Variants in STX11 observed in about 807,000 individuals in gnomAD.
STX11 encodes syntaxin-11.
A neutral mutation model predicts 19.9 loss-of-function variants in STX11; 21 were observed. The observed-to-expected ratio is 1.06, with a 90% CI of 0.75 to 1.52. The LOEUF (loss-of-function observed/expected upper bound fraction) is 1.52. Among genes scored for constraint, STX11 ranks in the 40% most tolerant of loss-of-function variants. The probability of loss-of-function intolerance (pLI) is 0.00; values close to 1 mark genes in which losing one functional copy is unlikely to be tolerated. For missense variants in STX11, 438 were observed against 405.9 expected, an observed-to-expected ratio of 1.08 and a Z score of -0.68; for synonymous variants, 193 against 174.4, an observed-to-expected ratio of 1.11 and a Z score of -0.84.
rs1802151860 is a variant in STX11, at chr6:144,189,197, A to G, written c.*1706A>G. The stretch of plus-strand genomic sequence containing the variant: ...GCCACCATGCCCGGCTAATTTTTGT[A>G]TTTTCTGTAGAGACAGGGTTTGCCA... On this transcript the variant is annotated 3_prime_UTR_variant, in exon 2 of 2. Coordinates refer to ENST00000367568, the MANE Select transcript of STX11 (RefSeq NM_003764.4). Among the ~76,000 whole-genome samples, 2 of 151,674 alleles carry G rather than the reference A, an allele frequency of 1.3e-5. No individual in the cohort carries two copies. Among genetic ancestry groups the G allele is most frequent in the Non-Finnish European group, 2.9e-5 (2 of 67,938 alleles).
Position 144,165,319 on chromosome 6 carries a change from G to A in STX11, c.-6+14616G>A, listed in dbSNP as rs556916288. ...AAAAATACAAAATTAGCGGGGCGTG[G>A]TGGTGCATGTCTGTAATCCCAGCTA... is the stretch of plus-strand genomic sequence containing the variant. On this transcript the variant is annotated intron_variant, in intron 1 of 1. Coordinates refer to ENST00000367568, the MANE Select transcript of STX11 (RefSeq NM_003764.4). This position sits in a 1 kb window ranked among gnomAD's most constrained non-coding sequence, Gnocchi z 5.8. Among the ~76,000 whole-genome samples, 1 of 152,208 alleles carries A rather than the reference G, an allele frequency of 6.6e-6. No individual in the cohort carries two copies. Among genetic ancestry groups the A allele is most frequent in the South Asian group, 2.1e-4 (1 of 4,816 alleles).
chr6:144,173,764 G>T (rs1801704831), intron 1 of STX11, among the ~76,000 whole-genome samples: 1 of 152,186 alleles, frequency 6.6e-6, no homozygotes, highest in Non-Finnish European at 1.5e-5. Flanking sequence ...CTTTTCCCCT[G>T]ACTGCTCTCG....
At position 144,188,264 on chromosome 6, in the gene STX11, A is replaced by G. The variant is rs1055555533; in HGVS notation, c.*773A>G. The G allele has an allele frequency of 4.3e-6, 1 of 232,526 alleles. No homozygotes were observed. The highest frequency in any genetic ancestry group is 9.2e-6 in the Non-Finnish European group (1 of 108,828). The allele number at this position is 232,526 out of a possible 1,614,324, so 14.4% of individuals were successfully genotyped here. On this transcript the variant is annotated 3_prime_UTR_variant, in exon 2 of 2. Coordinates refer to ENST00000367568, the MANE Select transcript of STX11 (RefSeq NM_003764.4). ...TATTTTTACTTGATTACATATGCAC[A>G]TGTATGTAAATGTAAAATACTAATA...
the STX11 span, among the ~76,000 whole-genome samples, chr6:144,140,262 A>T: frequency 0.013 from 705 of 54,580 alleles, 10 homozygotes; most frequent in African/African-American, 0.058. Context: ...ATATTTATTT[A>T]TTTATTTTTT....
At chr6:144,150,844 C>A in intron 1 of STX11, 141 bp downstream of exon 1, 1 of 585,452 alleles carries the variant, frequency 1.7e-6, no homozygotes, top group Non-Finnish European at 2.2e-6. Flanking sequence ...GATTTTGGAT[C>A]TGGCGCAGGT....
the STX11 span, among the ~76,000 whole-genome samples, chr6:144,144,251 A>G: frequency 7.8e-4 from 119 of 152,350 alleles, no homozygotes; most frequent in East Asian, 3.9e-4. Flanking sequence ...AGCTTTAACT[A>G]GTTTTGTAAG....
intron 1 of STX11, among the ~76,000 whole-genome samples, chr6:144,163,574 C>A (rs6911429): frequency 5.9e-5 from 9 of 151,976 alleles, no homozygotes; most frequent in South Asian, 2.1e-4. Context: ...GCTTCCTGGG[C>A]TCAAGTGATT....
chr6:144,141,661 T>C, the STX11 span, among the ~76,000 whole-genome samples: 1 of 148,126 alleles, frequency 6.8e-6, no homozygotes, highest in Non-Finnish European at 1.5e-5. Context: ...GTTTTGTTGT[T>C]GTTGTTGTTG....
Position 144,165,176 on chromosome 6 carries a change from C to T in STX11, c.-6+14473C>T, listed in dbSNP as rs1451781755. ...CACTTTGAAGAAAAATTTTCTTGGCCGGGCGCGGTGGCTCACGCCTGTAAT... is the reference window on the plus strand; with the variant it reads ...CACTTTGAAGAAAAATTTTCTTGGCTGGGCGCGGTGGCTCACGCCTGTAAT... On this transcript the variant is annotated intron_variant, in intron 1 of 1. Coordinates refer to ENST00000367568, the MANE Select transcript of STX11 (RefSeq NM_003764.4). This position sits in a 1 kb window ranked among gnomAD's most constrained non-coding sequence, Gnocchi z 5.8. 2.6e-5 allele frequency among the ~76,000 whole-genome samples: 4 copies of T among 151,866 alleles called. No individual in the cohort carries two copies. The highest frequency in any genetic ancestry group is 4.4e-5 in the Non-Finnish European group (3 of 67,974).
rs571942053 is a variant in STX11 at position 144,173,023 on chromosome 6, G to A, written c.-5-13600G>A. Among the ~76,000 whole-genome samples, 11 of 152,304 alleles carry A rather than the reference G, an allele frequency of 7.2e-5. No homozygotes were observed. The East Asian group carries it at 1.9e-3, about 27-fold the overall frequency. ...GATTAGGACCCAGCTCTGCTTTTCA[G>A]AAGTGGTTTCTTGGTTTATATTCCT... On this transcript the variant is annotated intron_variant, in intron 1 of 1. Transcript: ENST00000367568.
rs1801526285 is a variant in STX11 at position 144,167,942 on chromosome 6, T to G, written c.-6+17239T>G. Among the ~76,000 whole-genome samples, 3 of 152,198 alleles carry G rather than the reference T, an allele frequency of 2.0e-5. No homozygotes were observed. The highest frequency in any genetic ancestry group is 2.0e-4 in the Admixed American group (3 of 15,282). ...CACTACAGTCATGTTCTTAGACTTA[T>G]TCACACATAAGTACTTATGGTAAAA... On this transcript the variant is annotated intron_variant, in intron 1 of 1. Coordinates refer to ENST00000367568, the MANE Select transcript of STX11 (RefSeq NM_003764.4). The surrounding 1 kb of genome is among the most constrained non-coding windows in gnomAD (Gnocchi z 5.0).
rs114390003 is a variant in STX11 at position 144,161,168 on chromosome 6, A to G, written c.-6+10465A>G. Among the ~76,000 whole-genome samples the G allele has an allele frequency of 7.8e-3, 1,191 of 152,334 alleles. 12 individuals carry two copies. Among genetic ancestry groups the G allele is most frequent in the African/African-American group, 0.027 (1,107 of 41,572 alleles). ...AATGAGCTCCATTTATTATATTTTC[A>G]TGAAGAATTTGAATTTTTAAATAAG... On this transcript the variant is annotated intron_variant, in intron 1 of 1. Transcript: ENST00000367568.
rs1227823224 is a variant in STX11 at position 144,152,152 on chromosome 6, G to A, written c.-6+1449G>A. On this transcript the variant is annotated intron_variant, in intron 1 of 1. Coordinates refer to ENST00000367568, the MANE Select transcript of STX11 (RefSeq NM_003764.4). This position sits in a 1 kb window ranked among gnomAD's most constrained non-coding sequence, Gnocchi z 4.9. ...TATGCTGGGTCCCAGTGTATTTAAA[G>A]AGTAGACTCAGCAGATTATCACCCC... Among the ~76,000 whole-genome samples the A allele has an allele frequency of 6.6e-6, 1 of 152,182 alleles. No individual in the cohort carries two copies. The highest frequency in any genetic ancestry group is 1.5e-5 in the Non-Finnish European group (1 of 68,042).
Position 144,187,483 on chromosome 6 carries a change from C to T in STX11, c.856C>T (p.Leu286Phe), listed in dbSNP as rs752664282. 6.2e-7 allele frequency: 1 copy of T among 1,612,610 alleles called. No homozygotes were observed. The highest frequency in any genetic ancestry group is 1.7e-5 in the Admixed American group (1 of 60,020). Residue 286 changes from leucine to phenylalanine, a missense_variant, in exon 2 of 2, where the codon CTC becomes TTC. Transcript: ENST00000367568. The surrounding 1 kb of genome is among the most constrained non-coding windows in gnomAD (Gnocchi z 5.6). ...RTLCCFCCPC[L>F]K ...CCTCTGCTGCTTCTGCTGTCCCTGC[C>T]TCAAGTAGCAGGCCGGCCCGGGCCG...
chr6:144,185,377 C>A (rs181518843), intron 1 of STX11, among the ~76,000 whole-genome samples: 26 of 152,278 alleles, frequency 1.7e-4, no homozygotes, highest in African/African-American at 5.5e-4. Flanking sequence ...CTCTTTGCTG[C>A]AAATTGTGTA....
At chr6:144,144,203 A>C in the STX11 span, among the ~76,000 whole-genome samples, 2 of 152,204 alleles carry the variant, frequency 1.3e-5, no homozygotes, top group African/African-American at 4.8e-5. Flanking sequence ...CCTTCTTGAA[A>C]CTTATGATTT....
Position 144,156,643 on chromosome 6 carries a change from G to A in STX11, c.-6+5940G>A, listed in dbSNP as rs138350759. On this transcript the variant is annotated intron_variant, in intron 1 of 1. Transcript: ENST00000367568. The stretch of plus-strand genomic sequence containing the variant: ...CAGGATTGCAGCAATCTCTTTTCAC[G>A]GTTATATTTCTAATTTTCTATTATG... Among the ~76,000 whole-genome samples the A allele has an allele frequency of 9.9e-3, 1,507 of 152,032 alleles. 34 individuals carry two copies. The highest frequency in any genetic ancestry group is 0.034 in the African/African-American group (1,430 of 41,454).
intron 1 of STX11, among the ~76,000 whole-genome samples, chr6:144,186,344 AAAT>A (rs1802032510): frequency 4.6e-5 from 7 of 151,078 alleles, no homozygotes; most frequent in African/African-American, 1.7e-4. Context: ...ATAAATAAAT[AAAT>A]AAAATTTTAA....
intron 1 of STX11, among the ~76,000 whole-genome samples, chr6:144,157,565 T>G (rs1801204279): frequency 6.6e-6 from 1 of 152,178 alleles, no homozygotes; most frequent in Non-Finnish European, 1.5e-5. Context: ...AAGTTGTCAT[T>G]TTTTTCCAAG....
Sources: gnomAD v4.1 joint callset for allele counts (sites outside exome capture counted in the v4.1 genomes callset) on GRCh38, gnomAD v4.1.1 for gene constraint, Gnocchi (gnomAD v3.1) non-coding constraint, MANE v1.5 for transcripts, NCBI Gene and HGNC (gene_info 2026-07-23, HGNC 2026-07-21) for gene names.